DCLRE1C: variants seen among roughly 807,000 people sequenced by gnomAD.
DCLRE1C encodes protein artemis.
Under a neutral mutation model 61.4 loss-of-function variants are expected in DCLRE1C, and 47 were observed. The observed-to-expected ratio is 0.77, with a 90% CI of 0.61 to 0.98. The LOEUF (loss-of-function observed/expected upper bound fraction) is 0.98. Ranked by LOEUF, DCLRE1C falls within the 50% of genes least tolerant of loss-of-function variation. The pLI, the probability that DCLRE1C is intolerant of heterozygous loss-of-function variation, is 0.00. For synonymous variants in DCLRE1C, 337 were observed against 287.6 expected, an observed-to-expected ratio of 1.17 and a Z score of -1.74; for missense variants, 858 against 816.0, an observed-to-expected ratio of 1.05 and a Z score of -0.63.
At chr10:14,931,189 A>G (rs1019559781) in intron 9 of DCLRE1C, among the ~76,000 whole-genome samples, 17 of 152,230 alleles carry the variant, frequency 1.1e-4, no homozygotes, top group African/African-American at 3.9e-4. Flanking sequence ...AATTGAAACA[A>G]TATTTTTTAA....
chr10:14,932,774 G>A (rs1839239460), intron 9 of DCLRE1C, 80 bp downstream of exon 9: 1 of 1,503,616 alleles, frequency 6.7e-7, no homozygotes, highest in African/African-American at 1.4e-5. Flanking sequence ...AAAGCGAAGA[G>A]CCTATAAATG....
intron 4 of DCLRE1C, 120 bp downstream of exon 4, chr10:14,939,690 G>A (rs1840553426): frequency 4.8e-6 from 4 of 830,122 alleles, no homozygotes; most frequent in Non-Finnish European, 5.7e-6. Context: ...CAAAATCAAA[G>A]AGAAAGATTG....
rs1164024200 is a variant in DCLRE1C, at chr10:14,906,287, A to C, written c.*2121T>G. Among the ~76,000 whole-genome samples, 3 of 152,256 alleles carry C rather than the reference A, an allele frequency of 2.0e-5. No homozygotes were observed. Among genetic ancestry groups the C allele is most frequent in the Admixed American group, 2.0e-4 (3 of 15,286 alleles). ...GTTCATATAGTCTGTAAAAAACTTA[A>C]GAGCATCATCAGAGTAAGCACCAAA... On this transcript the variant is annotated 3_prime_UTR_variant, in exon 14 of 14. Coordinates refer to ENST00000378278, the MANE Select transcript of DCLRE1C (RefSeq NM_001033855.3).
intron 4 of DCLRE1C, among the ~76,000 whole-genome samples, chr10:14,937,631 C>G (rs928446918): frequency 2.7e-4 from 41 of 152,036 alleles, no homozygotes; most frequent in Middle Eastern, 3.2e-3. Flanking sequence ...TGGCTCATGC[C>G]TGTAATTCTA....
At chr10:14,934,327 CAAAA>C (rs374055066) in intron 8 of DCLRE1C, 49 bp downstream of exon 8, 359 of 1,423,390 alleles carry the variant, frequency 2.5e-4, no homozygotes, top group Middle Eastern at 6.4e-4. Flanking sequence ...GACTCCCTCT[CAAAA>C]AAAAAAAAAA....
intron 3 of DCLRE1C, among the ~76,000 whole-genome samples, chr10:14,943,893 CA>C (rs758155945): frequency 6.6e-6 from 1 of 152,148 alleles, no homozygotes; most frequent in Non-Finnish European, 1.5e-5. Flanking sequence ...GTCTTTTGAC[CA>C]AAGGTACAAT....
intron 13 of DCLRE1C, among the ~76,000 whole-genome samples, chr10:14,911,945 T>C (rs750317414): frequency 2.6e-5 from 4 of 152,200 alleles, no homozygotes; most frequent in African/African-American, 7.2e-5. Flanking sequence ...TTGGCTAATA[T>C]GTGAAGGAAC....
rs115869037 is a variant in DCLRE1C at position 14,937,042 on chromosome 10, A to T, written c.307-449T>A. 7.5e-3 allele frequency among the ~76,000 whole-genome samples: 1,142 copies of T among 152,330 alleles called. 11 individuals carry two copies. The highest frequency in any genetic ancestry group is 0.025 in the African/African-American group (1,047 of 41,572). On this transcript the variant is annotated intron_variant, in intron 4 of 13. Transcript: ENST00000378278. ...AAACATCCTCAGTGAAAGAAGCCGG[A>T]TAAGAAATGAACACATGTTGTATGA...
chr10:14,919,901 TA>T (rs1290270653), intron 12 of DCLRE1C, 69 bp from the exon 13 acceptor site: 1 of 1,266,116 alleles, frequency 7.9e-7, no homozygotes, highest in African/African-American at 1.5e-5. Flanking sequence ...TCATTGATAG[TA>T]TTACAAATTT....
chr10:14,901,339 A>G (rs1013265183), downstream of DCLRE1C: 20 of 1,574,490 alleles, frequency 1.3e-5, no homozygotes, highest in African/African-American at 2.4e-4. Context: ...CAGACCTTAG[A>G]TATTTGAACC....
exon 14 of DCLRE1C, chr10:14,898,138 A>G (rs1007756518): frequency 2.0e-5 from 3 of 147,092 alleles, no homozygotes; most frequent in African/African-American, 7.5e-5. Flanking sequence ...GTCACATACT[A>G]TTCTAAGCAC....
At chr10:14,935,951 C>G (rs1294196334) in intron 5 of DCLRE1C, among the ~76,000 whole-genome samples, 1 of 152,228 alleles carries the variant, frequency 6.6e-6, no homozygotes. Context: ...CTCTGTCCCC[C>G]AGGCTGCAAG....
intron 13 of DCLRE1C, among the ~76,000 whole-genome samples, chr10:14,915,437 C>T (rs905603453): frequency 3.9e-5 from 6 of 151,902 alleles, no homozygotes; most frequent in South Asian, 2.1e-4. Context: ...ACACAAACTA[C>T]TAATATCAGG....
intron 2 of DCLRE1C, among the ~76,000 whole-genome samples, chr10:14,947,057 A>G (rs1053154205): frequency 6.6e-6 from 1 of 152,062 alleles, no homozygotes; most frequent in Admixed American, 6.6e-5. Context: ...ACTGAAAAAT[A>G]AAAAATTAGT....
chr10:14,945,136 C>T lies in DCLRE1C; in HGVS notation c.215G>A (p.Ser72Asn), dbSNP rs1236339756. 6.2e-7 allele frequency: 1 copy of T among 1,612,792 alleles called. No homozygotes were observed. Residue 72 changes from serine to asparagine, a missense_variant, in exon 3 of 14, where the codon AGC becomes AAC. Coordinates refer to ENST00000378278, the MANE Select transcript of DCLRE1C (RefSeq NM_001033855.3). ...TTTCTTCCAAAATCTGTATTTCGGG[C>T]TCGTTAACAACAACTCCTTAGTCAC... ...SPVTKELLLT[S>N]PKYRFWKKRI...
At chr10:14,925,225 TAA>T (rs67477083) in intron 11 of DCLRE1C, among the ~76,000 whole-genome samples, 10 of 109,308 alleles carry the variant, frequency 9.1e-5, no homozygotes, top group African/African-American at 3.6e-4. Flanking sequence ...ATAAAGGATT[TAA>T]AAAAAAAAAA....
intron 8 of DCLRE1C, among the ~76,000 whole-genome samples, chr10:14,933,376 C>T (rs1839344357): frequency 6.6e-6 from 1 of 152,216 alleles, no homozygotes; most frequent in African/African-American, 2.4e-5. Flanking sequence ...GTGGCTTATG[C>T]CTGTATTCCC....
downstream of DCLRE1C, chr10:14,901,052 G>C: frequency 6.6e-7 from 1 of 1,523,352 alleles, no homozygotes; most frequent in Non-Finnish European, 8.9e-7. Context: ...AAATCTCTAG[G>C]AAAGTAAACA....
rs952085913 is a variant in DCLRE1C, at chr10:14,899,099, C to A, written c.*65G>T. 5 of 628,852 alleles carry A rather than the reference C, an allele frequency of 8.0e-6. No individual in the cohort carries two copies. The Admixed American group carries it at 1.2e-4, about 15-fold the overall frequency. The allele number at this position is 628,852 out of a possible 1,614,324, so 39.0% of individuals were successfully genotyped here. On this transcript the variant is annotated 3_prime_UTR_variant, in exon 14 of 14. Coordinates refer to the DCLRE1C transcript ENST00000378289. ...CTTGGGGAGGTCAAGGCTGGAGGCT[C>A]ACTTGAGCCCAGGAGTTCCAGACCA...
Sources: allele counts gnomAD v4.1 joint callset (sites outside exome capture counted in the v4.1 genomes callset), GRCh38; gene constraint gnomAD v4.1.1; transcripts MANE v1.5; gene names NCBI Gene and HGNC (gene_info 2026-07-23, HGNC 2026-07-21).